RBFOX1: variants seen among roughly 807,000 people sequenced by gnomAD.
RBFOX1 encodes the protein RNA binding protein fox-1 homolog 1.
In RBFOX1, 8 loss-of-function variants were observed where a neutral mutation model predicts 57.7. That is an observed-to-expected ratio of 0.14 (90% CI 0.08 to 0.25). The LOEUF is 0.25. Among genes scored for constraint, RBFOX1 ranks in the 10% least tolerant of loss-of-function variants. The probability of loss-of-function intolerance (pLI) is 1.00; values close to 1 mark genes in which losing one functional copy is unlikely to be tolerated. For missense variants in RBFOX1, 611 were observed against 548.5 expected (o/e 1.11, Z -1.14); for synonymous variants, 326 against 222.4 (o/e 1.47, Z -4.15).
intron 3 of RBFOX1, among the ~76,000 whole-genome samples, chr16:6,918,806 G>A (rs1027802278): frequency 6.6e-6 from 1 of 152,138 alleles, no homozygotes; most frequent in Non-Finnish European, 1.5e-5. Context: ...GCATTGAGCA[G>A]AAGCGCACTC....
intron 5 of RBFOX1, among the ~76,000 whole-genome samples, chr16:7,544,359 C>T (rs1348893189): frequency 1.3e-5 from 2 of 152,128 alleles, no homozygotes; most frequent in Non-Finnish European, 2.9e-5. Flanking sequence ...TAGTGTCCCC[C>T]CAAATTTATG....
intron 3 of RBFOX1, among the ~76,000 whole-genome samples, chr16:5,830,969 C>A (rs1388949639): frequency 2.3e-5 from 1 of 43,284 alleles, no homozygotes; most frequent in African/African-American, 6.5e-5. Context: ...ATTTCCTATC[C>A]CCCCCCAACT....
chr16:5,848,345 G>C (rs530084960), intron 3 of RBFOX1, among the ~76,000 whole-genome samples: 1 of 152,072 alleles, frequency 6.6e-6, no homozygotes, highest in Non-Finnish European at 1.5e-5. Context: ...TTGTTTTCTG[G>C]CTCTGGATCT....
intron 2 of RBFOX1, among the ~76,000 whole-genome samples, chr16:6,648,031 A>G (rs748619654): frequency 3.3e-5 from 5 of 151,958 alleles, no homozygotes; most frequent in Non-Finnish European, 7.4e-5. Flanking sequence ...TAGTAGAGAC[A>G]GGGGTTTCAT....
intron 3 of RBFOX1, among the ~76,000 whole-genome samples, chr16:5,808,450 G>T (rs1461256271): frequency 6.6e-6 from 1 of 152,156 alleles, no homozygotes; most frequent in East Asian, 1.9e-4. Flanking sequence ...TTCCAATTCT[G>T]TGAAGAAAGT....
intron 14 of RBFOX1, among the ~76,000 whole-genome samples, chr16:7,687,155 C>A (rs1457349257): frequency 1.3e-5 from 2 of 152,062 alleles, no homozygotes; most frequent in African/African-American, 4.8e-5. Flanking sequence ...TACCCTGTCT[C>A]ATTCTACAAT....
intron 2 of RBFOX1, among the ~76,000 whole-genome samples, chr16:6,450,977 C>A (rs2094609426): frequency 6.8e-6 from 1 of 146,334 alleles, no homozygotes; most frequent in Non-Finnish European, 1.5e-5. Flanking sequence ...AAAAATGGGC[C>A]CAGTTTAAGA....
chr16:6,116,380 C>T (rs1270946179), intron 1 of RBFOX1, among the ~76,000 whole-genome samples: 7 of 152,140 alleles, frequency 4.6e-5, no homozygotes, highest in Admixed American at 4.6e-4. Flanking sequence ...GACAAACCTG[C>T]ACATTCTGCA....
chr16:6,332,438 C>T (rs1024286883), intron 2 of RBFOX1, among the ~76,000 whole-genome samples: 1 of 152,060 alleles, frequency 6.6e-6, no homozygotes, highest in Admixed American at 6.6e-5. Context: ...GGTTGGATAG[C>T]AATTGTAAGC....
At chr16:5,892,658 A>G (rs1180224583) in intron 4 of RBFOX1, among the ~76,000 whole-genome samples, 1 of 152,210 alleles carries the variant, frequency 6.6e-6, no homozygotes, top group Non-Finnish European at 1.5e-5. Flanking sequence ...AGGAAGATCA[A>G]ATTCACCCTG....
intron 3 of RBFOX1, among the ~76,000 whole-genome samples, chr16:6,918,625 C>T (rs996720372): frequency 6.6e-5 from 10 of 152,166 alleles, no homozygotes; most frequent in African/African-American, 2.2e-4. Context: ...ATCTCATACC[C>T]TTCTCAGTGA....
chr16:7,700,784 C>CT (rs1176255752), intron 14 of RBFOX1, among the ~76,000 whole-genome samples: 1 of 152,120 alleles, frequency 6.6e-6, no homozygotes, highest in Non-Finnish European at 1.5e-5. Context: ...TGCTATTCTG[C>CT]TTTCCCTCAA....
At chr16:6,034,353 A>AAAAAG (rs1290977613) in intron 1 of RBFOX1, among the ~76,000 whole-genome samples, 5 of 145,922 alleles carry the variant, frequency 3.4e-5, no homozygotes, top group South Asian at 2.2e-4. Flanking sequence ...AAAAAAAAAA[A>AAAAAG]AAAAGAAAAG....
chr16:6,208,331 C>T (rs186666014), intron 1 of RBFOX1, among the ~76,000 whole-genome samples: 1 of 152,038 alleles, frequency 6.6e-6, no homozygotes, highest in African/African-American at 2.4e-5. Context: ...AAGCAAACAC[C>T]TATTGCATTG....
At chr16:6,571,025 A>G (rs961758755) in intron 2 of RBFOX1, among the ~76,000 whole-genome samples, 2 of 152,258 alleles carry the variant, frequency 1.3e-5, no homozygotes, top group Non-Finnish European at 2.9e-5. Flanking sequence ...TGTTAAGGAG[A>G]AGGTCCTACT....
chr16:6,659,007 G>A (rs969552862), intron 3 of RBFOX1, among the ~76,000 whole-genome samples: 8 of 151,416 alleles, frequency 5.3e-5, no homozygotes, highest in East Asian at 1.9e-4. Context: ...CAAAGGTGAC[G>A]GGAGGTAACC....
chr16:6,959,787 A>G (rs2082587932), intron 3 of RBFOX1, among the ~76,000 whole-genome samples: 1 of 152,104 alleles, frequency 6.6e-6, no homozygotes, highest in Non-Finnish European at 1.5e-5. Flanking sequence ...AAGTACAAAA[A>G]TTAGCCGGGT....
intron 4 of RBFOX1, among the ~76,000 whole-genome samples, chr16:5,906,184 T>C (rs1383780103): frequency 2.6e-5 from 4 of 152,170 alleles, no homozygotes; most frequent in Non-Finnish European, 1.5e-5. Flanking sequence ...TAGGCCTCAG[T>C]GCCTCAGACT....
intron 2 of RBFOX1, among the ~76,000 whole-genome samples, chr16:6,331,885 C>A (rs1306078375): frequency 1.3e-5 from 2 of 152,034 alleles, no homozygotes; most frequent in Non-Finnish European, 2.9e-5. Flanking sequence ...TTTGCCTTGG[C>A]TGCCATCTTC....
Sources: gnomAD v4.1 joint callset for allele counts (sites outside exome capture counted in the v4.1 genomes callset) on GRCh38, gnomAD v4.1.1 for gene constraint, MANE v1.5 for transcripts, NCBI Gene and HGNC (gene_info 2026-07-23, HGNC 2026-07-21) for gene names.